NEK6: variants seen among roughly 807,000 people sequenced by gnomAD.
NEK6 encodes the protein NIMA related kinase 6.
In NEK6, 27 loss-of-function variants were observed where a neutral mutation model predicts 43.5. That is an observed-to-expected ratio of 0.62 (90% CI 0.46 to 0.86). The LOEUF (loss-of-function observed/expected upper bound fraction) is 0.86. Among genes scored for constraint, NEK6 ranks in the 40% least tolerant of loss-of-function variants. The pLI is 0.00. For synonymous variants in NEK6, 167 were observed against 164.1 expected, an observed-to-expected ratio of 1.02 and a Z score of -0.14; for missense variants, 318 against 414.4, an observed-to-expected ratio of 0.77 and a Z score of 2.02.
rs1248215408 is a variant in NEK6 at position 124,316,848 on chromosome 9, C to T, written c.294+2863C>T. ...GTCTCCCTCCTCCCCTCCCCAGGAA[C>T]CAGCGCCTCCTTGATGGGGCTTTAC... is the stretch of plus-strand genomic sequence containing the variant. On this transcript the variant is annotated intron_variant, in intron 4 of 9. Coordinates refer to ENST00000320246, the MANE Select transcript of NEK6 (RefSeq NM_014397.6). 2.0e-5 allele frequency among the ~76,000 whole-genome samples: 3 copies of T among 152,350 alleles called. No individual in the cohort carries two copies. In the South Asian group the frequency reaches 6.2e-4, roughly 32 times the overall value.
chr9:124,269,952 C>T (rs1831372640), intron 1 of NEK6, among the ~76,000 whole-genome samples: 2 of 152,274 alleles, frequency 1.3e-5, no homozygotes, highest in South Asian at 2.1e-4. Context: ...TCCCACAGTC[C>T]AGCCAGTTAA....
chr9:124,315,436 CTG>C (rs899019189), intron 4 of NEK6, among the ~76,000 whole-genome samples: 3 of 152,242 alleles, frequency 2.0e-5, no homozygotes, highest in African/African-American at 7.2e-5. Context: ...AGTGCCTGCT[CTG>C]GTGGCCCCCG....
rs897501359 is a variant in NEK6 at position 124,275,050 on chromosome 9, A to G, written c.-30+16965A>G. On this transcript the variant is annotated intron_variant, in intron 1 of 9. Transcript: ENST00000320246. This position sits in a 1 kb window ranked among gnomAD's most constrained non-coding sequence, Gnocchi z 4.4. ...GCACGAGCTCTGCTTAGTTCTTGTG[A>G]TTAGTTCATCGTGTGCCTCACCACA... Among the ~76,000 whole-genome samples the G allele has an allele frequency of 6.6e-6, 1 of 152,154 alleles. No individual in the cohort carries two copies. The highest frequency in any genetic ancestry group is 1.5e-5 in the Non-Finnish European group (1 of 68,028).
chr9:124,310,032 G>A (rs1833451693), intron 2 of NEK6, among the ~76,000 whole-genome samples: 1 of 152,226 alleles, frequency 6.6e-6, no homozygotes, highest in South Asian at 2.1e-4. Context: ...GGAGCAGGAA[G>A]TGGCAGGCCT....
At chr9:124,295,090 G>T (rs1437980723) in intron 1 of NEK6, among the ~76,000 whole-genome samples, 1 of 152,226 alleles carries the variant, frequency 6.6e-6, no homozygotes, top group East Asian at 1.9e-4. Flanking sequence ...GGCCCACCCT[G>T]GGGGAGGCCC....
intron 7 of NEK6, among the ~76,000 whole-genome samples, chr9:124,332,685 A>G (rs1374117858): frequency 6.6e-6 from 1 of 152,006 alleles, no homozygotes; most frequent in East Asian, 1.9e-4. Context: ...TAGCTAATGA[A>G]CATGTTTCAA....
intron 8 of NEK6, among the ~76,000 whole-genome samples, chr9:124,342,999 T>C (rs1045755463): frequency 4.6e-5 from 7 of 152,088 alleles, no homozygotes; most frequent in Admixed American, 3.9e-4. Context: ...AGTCTTTGTC[T>C]CGGCTCTGCA....
intron 1 of NEK6, chr9:124,292,180 CCAGGGCTGGAGCTCCAGGGACCTT>C (rs1832454606): frequency 7.9e-7 from 1 of 1,262,072 alleles, no homozygotes; most frequent in African/African-American, 1.5e-5. Flanking sequence ...CCAGGGACCT[CCAGGGCTGGAGCTCCAGGGACCTT>C]GACCTGGCTG....
intron 2 of NEK6, among the ~76,000 whole-genome samples, chr9:124,307,274 G>T (rs1282283106): frequency 3.3e-5 from 5 of 152,106 alleles, no homozygotes; most frequent in African/African-American, 9.7e-5. Flanking sequence ...CTTTCTGGGT[G>T]GGGGGTAGCT....
intron 1 of NEK6, among the ~76,000 whole-genome samples, chr9:124,298,306 T>C (rs915900137): frequency 7.2e-5 from 11 of 152,030 alleles, no homozygotes; most frequent in African/African-American, 2.7e-4. Context: ...CCGTGGCTGC[T>C]GCTTTCCTAG....
chr9:124,278,798 A>G (rs1831761938), intron 1 of NEK6, among the ~76,000 whole-genome samples: 1 of 152,148 alleles, frequency 6.6e-6, no homozygotes, highest in Non-Finnish European at 1.5e-5. Flanking sequence ...CCAGCAAAGA[A>G]GTCTTCATAC....
chr9:124,262,804 G>A (rs900222619), intron 1 of NEK6: 1 of 152,254 alleles, frequency 6.6e-6, no homozygotes. Context: ...GGGGCTTTAT[G>A]TAGGAATTCC....
chr9:124,323,653 G>A (rs1262713627), intron 5 of NEK6, among the ~76,000 whole-genome samples: 1 of 151,986 alleles, frequency 6.6e-6, no homozygotes, highest in East Asian at 1.9e-4. Context: ...ACAGGCAGAT[G>A]GGGGGCTGGG....
chr9:124,349,505 G>C (rs1009937661), intron 9 of NEK6, among the ~76,000 whole-genome samples: 1 of 152,188 alleles, frequency 6.6e-6, no homozygotes, highest in Admixed American at 6.5e-5. Flanking sequence ...GGCTCTCGCC[G>C]GGCCCCATGC....
At chr9:124,268,242 C>A (rs1364597302) in intron 1 of NEK6, among the ~76,000 whole-genome samples, 1 of 152,186 alleles carries the variant, frequency 6.6e-6, no homozygotes, top group African/African-American at 2.4e-5. Flanking sequence ...TTTGGACCAG[C>A]AGATAGGGAG....
At chr9:124,277,527 G>A (rs78566345) in intron 1 of NEK6, among the ~76,000 whole-genome samples, 21,399 of 152,172 alleles carry the variant, frequency 0.14, 1,584 homozygotes, top group Non-Finnish European at 0.16. Flanking sequence ...TTGGGGCAGC[G>A]GAGGGCTCTC....
chr9:124,348,334 G>A (rs1830062022), intron 9 of NEK6, among the ~76,000 whole-genome samples: 2 of 152,218 alleles, frequency 1.3e-5, no homozygotes, highest in South Asian at 2.1e-4. Flanking sequence ...TGCGGGAGCC[G>A]TGGACACAGC....
At chr9:124,347,616 C>G in intron 8 of NEK6, 93 bp from the exon 9 acceptor site, 3 of 753,820 alleles carry the variant, frequency 4.0e-6, no homozygotes, top group Non-Finnish European at 6.5e-6. Context: ...CAGAGAGAAC[C>G]CATGCCCCAA....
intron 1 of NEK6, among the ~76,000 whole-genome samples, chr9:124,269,159 T>G (rs1490971725): frequency 6.6e-6 from 1 of 152,110 alleles, no homozygotes; most frequent in East Asian, 1.9e-4. Context: ...GTGGGGCTCT[T>G]ATTAACCCCA....
Sources: allele counts gnomAD v4.1 joint callset (sites outside exome capture counted in the v4.1 genomes callset), GRCh38; gene constraint gnomAD v4.1.1; non-coding constraint Gnocchi (gnomAD v3.1); transcripts MANE v1.5; gene names NCBI Gene and HGNC (gene_info 2026-07-23, HGNC 2026-07-21).